The following FGD4 variants were observed in gnomAD, a reference collection of about 807,000 sequenced individuals.
The protein encoded by FGD4 is FYVE, RhoGEF and PH domain containing 4.
A neutral mutation model predicts 102.0 loss-of-function variants in FGD4; 42 were observed. That is an observed-to-expected ratio of 0.41 (90% CI 0.32 to 0.53). The LOEUF is 0.53. Among genes scored for constraint, FGD4 ranks in the 20% least tolerant of loss-of-function variants. The pLI, the probability that FGD4 is intolerant of heterozygous loss-of-function variation, is 0.21. For synonymous variants in FGD4, 380 were observed against 375.7 expected, an observed-to-expected ratio of 1.01 and a Z score of -0.13; for missense variants, 902 against 1,078.2, an observed-to-expected ratio of 0.84 and a Z score of 2.29.
intron 1 of FGD4, among the ~76,000 whole-genome samples, chr12:32,485,436 A>ACT (rs1555187207): frequency 1.8e-5 from 2 of 114,204 alleles, no homozygotes; most frequent in South Asian, 3.0e-4. Context: ...TTTAAGACCA[A>ACT]TTTTTTTTTT....
chr12:32,463,787 C>G (rs1247892992), intron 1 of FGD4, among the ~76,000 whole-genome samples: 2 of 152,170 alleles, frequency 1.3e-5, no homozygotes, highest in Admixed American at 1.3e-4. Flanking sequence ...CTGCCCACTT[C>G]TTTGAAGAAG....
intron 1 of FGD4, among the ~76,000 whole-genome samples, chr12:32,496,808 T>C (rs1240143605): frequency 6.6e-6 from 1 of 152,034 alleles, no homozygotes; most frequent in Non-Finnish European, 1.5e-5. Context: ...GAATTAAGAG[T>C]GTGGAAGGCA....
intron 1 of FGD4, among the ~76,000 whole-genome samples, chr12:32,540,059 A>G (rs1362353509): frequency 3.9e-5 from 6 of 152,152 alleles, no homozygotes; most frequent in African/African-American, 1.4e-4. Flanking sequence ...CAAGGAAAAA[A>G]GGTATTTCTG....
At chr12:32,497,724 TC>T (rs2136604982) in intron 1 of FGD4, among the ~76,000 whole-genome samples, 1 of 152,270 alleles carries the variant, frequency 6.6e-6, no homozygotes, top group South Asian at 2.1e-4. Flanking sequence ...TAAAAGTACA[TC>T]CTAAATTGTG....
At chr12:32,605,768 T>C (rs1052543086) in intron 7 of FGD4, among the ~76,000 whole-genome samples, 1 of 152,236 alleles carries the variant, frequency 6.6e-6, no homozygotes, top group Non-Finnish European at 1.5e-5. Context: ...CAACTTAGCT[T>C]TATCTTTGAT....
At chr12:32,558,358 G>C (rs1386877187) in intron 1 of FGD4, among the ~76,000 whole-genome samples, 1 of 152,212 alleles carries the variant, frequency 6.6e-6, no homozygotes. Context: ...AAATCCAAGA[G>C]ATGCTTGTCC....
chr12:32,457,998 T>C (rs1351239221), intron 1 of FGD4, among the ~76,000 whole-genome samples: 1 of 109,510 alleles, frequency 9.1e-6, no homozygotes, highest in African/African-American at 2.9e-5. Flanking sequence ...GATTTTTCAC[T>C]TTTTTTTTTT....
intron 1 of FGD4, among the ~76,000 whole-genome samples, chr12:32,502,686 C>A (rs1450502236): frequency 6.6e-6 from 1 of 152,078 alleles, no homozygotes; most frequent in Non-Finnish European, 1.5e-5. Flanking sequence ...CAATGCCTGT[C>A]CTTATTATTT....
chr12:32,417,079 A>G lies in FGD4; in HGVS notation c.166+17120A>G, dbSNP rs529133729. ...GTCTGCTAATTTTTGTATTTTTAGT[A>G]GAGATGAGGTTTCATCATGTTGGTC... On this transcript the variant is annotated intron_variant, in intron 1 of 16. Transcript: ENST00000534526. 6.6e-5 allele frequency among the ~76,000 whole-genome samples: 10 copies of G among 152,146 alleles called. No homozygotes were observed. The East Asian group carries it at 1.7e-3, about 27-fold the overall frequency.
intron 1 of FGD4, among the ~76,000 whole-genome samples, chr12:32,424,240 C>T (rs537493812): frequency 6.6e-6 from 1 of 151,854 alleles, no homozygotes; most frequent in East Asian, 1.9e-4. Context: ...CCCTAACAGG[C>T]CCCGGTATGT....
At chr12:32,400,885 A>G (rs1228633277) in intron 1 of FGD4, among the ~76,000 whole-genome samples, 1 of 102,482 alleles carries the variant, frequency 9.8e-6, no homozygotes, top group Non-Finnish European at 1.9e-5. Context: ...AGAGCTTTTA[A>G]ATTCCCTTTT....
At position 32,625,117 on chromosome 12, in the gene FGD4, G is replaced by A. The variant is rs367630922; in HGVS notation, c.2046+49G>A. The A allele has an allele frequency of 8.9e-6, 13 of 1,467,884 alleles. No homozygotes were observed. In the African/African-American group the frequency reaches 1.5e-4, roughly 17 times the overall value. 90.9% of individuals were successfully genotyped at this position (1,467,884 alleles called of 1,614,324 possible). A position where few individuals can be genotyped will look rare whatever the true frequency, so the allele number is the denominator to read the frequency against. On this transcript the variant is annotated intron_variant, in intron 13 of 16. Transcript: ENST00000534526. Reference sequence around the variant, plus strand: ...TTCAACCTCTTTCATATCTTTGCAGGTGTAGAAGATCTGTCTAATCATTTT... The same window carrying A: ...TTCAACCTCTTTCATATCTTTGCAGATGTAGAAGATCTGTCTAATCATTTT...
At chr12:32,465,071 A>G (rs968396232) in intron 1 of FGD4, among the ~76,000 whole-genome samples, 10 of 152,140 alleles carry the variant, frequency 6.6e-5, no homozygotes, top group South Asian at 2.1e-4. Context: ...GAACAGGAGG[A>G]GTAAAAACAA....
intron 11 of FGD4, among the ~76,000 whole-genome samples, chr12:32,621,318 A>G (rs777892300): frequency 2.0e-5 from 3 of 152,150 alleles, no homozygotes; most frequent in Non-Finnish European, 4.4e-5. Flanking sequence ...ATAATAAGTC[A>G]TCCATTTATT....
At chr12:32,482,100 A>T (rs1038169339) in intron 1 of FGD4, among the ~76,000 whole-genome samples, 2 of 152,264 alleles carry the variant, frequency 1.3e-5, no homozygotes, top group African/African-American at 4.8e-5. Context: ...AATAGAATGG[A>T]TAAATTAAGC....
At chr12:32,498,646 C>T (rs1039478929) in intron 1 of FGD4, among the ~76,000 whole-genome samples, 18 of 152,086 alleles carry the variant, frequency 1.2e-4, no homozygotes, top group Non-Finnish European at 2.4e-4. Context: ...CTCTGTCGCC[C>T]AGGCTGGAGT....
rs1439209291 is a variant in FGD4, at chr12:32,564,267, A to G, written c.297A>G (p.Ser99=). The change falls in exon 2 of 17, where the codon TCA becomes TCG. Residue 99 remains serine, a synonymous_variant. Transcript: ENST00000534526. The stretch of plus-strand genomic sequence containing the variant: ...ATGGGAACAGGCCAGCAAAACACTC[A>G]GCTGCAAGTCCAAAGCCACAAGGTA... The part of the protein sequence containing the change: ...GINGNRPAKH[S]AASPKPQVPP... 1.8e-5 allele frequency: 28 copies of G among 1,536,084 alleles called. No homozygotes were observed. Among genetic ancestry groups the G allele is most frequent in the Non-Finnish European group, 2.4e-5 (28 of 1,146,874 alleles).
intron 1 of FGD4, among the ~76,000 whole-genome samples, chr12:32,548,899 C>G (rs1943438118): frequency 6.6e-6 from 1 of 152,078 alleles, no homozygotes; most frequent in Non-Finnish European, 1.5e-5. Context: ...GTGAGGGCAC[C>G]CAAGATGATT....
chr12:32,562,747 C>T (rs2136269506), intron 1 of FGD4, among the ~76,000 whole-genome samples: 1 of 152,352 alleles, frequency 6.6e-6, no homozygotes, highest in Admixed American at 6.5e-5. Flanking sequence ...CACCGATCAA[C>T]AGGATCCCAA....
Sources: allele counts gnomAD v4.1 joint callset (sites outside exome capture counted in the v4.1 genomes callset), GRCh38; gene constraint gnomAD v4.1.1; transcripts MANE v1.5; gene names NCBI Gene and HGNC (gene_info 2026-07-23, HGNC 2026-07-21).